Variants in PDE10A observed in about 807,000 individuals in gnomAD.
PDE10A encodes the protein cAMP and cAMP-inhibited cGMP 3',5'-cyclic phosphodiesterase 10A.
A neutral mutation model predicts 97.7 loss-of-function variants in PDE10A; 39 were observed. The observed-to-expected ratio is 0.40, with a 90% CI of 0.31 to 0.52. The LOEUF (loss-of-function observed/expected upper bound fraction) is 0.52, where lower values mean the gene tolerates loss of function less well. Among genes scored for constraint, PDE10A ranks in the 20% least tolerant of loss-of-function variants. The pLI is 0.56. For synonymous variants in PDE10A, 371 were observed against 376.8 expected, an observed-to-expected ratio of 0.98 and a Z score of 0.18; for missense variants, 731 against 1,047.8, an observed-to-expected ratio of 0.70 and a Z score of 4.17.
chr6:165,901,457 G>C (rs2128484283), intron 1 of PDE10A, among the ~76,000 whole-genome samples: 1 of 152,250 alleles, frequency 6.6e-6, no homozygotes, highest in East Asian at 1.9e-4. Flanking sequence ...GTCTCACGTG[G>C]GCTGCCTCCA....
chr6:165,701,175 A>T (rs1447243243), intron 1 of PDE10A, among the ~76,000 whole-genome samples: 1 of 152,256 alleles, frequency 6.6e-6, no homozygotes, highest in Non-Finnish European at 1.5e-5. Context: ...CAAGACTCTG[A>T]CTTCAGATGC....
intron 1 of PDE10A, among the ~76,000 whole-genome samples, chr6:165,810,468 C>T (rs1779250487): frequency 6.6e-6 from 1 of 152,198 alleles, no homozygotes. Flanking sequence ...ACTTCACCAT[C>T]ACATCCTCAG....
At chr6:165,642,424 T>C (rs1789180654) in intron 1 of PDE10A, among the ~76,000 whole-genome samples, 2 of 152,156 alleles carry the variant, frequency 1.3e-5, no homozygotes, top group South Asian at 2.1e-4. Flanking sequence ...CAGGCTGTAT[T>C]TAGGAGGGAC....
intron 1 of PDE10A, among the ~76,000 whole-genome samples, chr6:165,615,994 C>G (rs1229338259): frequency 6.6e-6 from 1 of 152,058 alleles, no homozygotes; most frequent in African/African-American, 2.4e-5. Context: ...GATTTTTTAC[C>G]CACAAATTTG....
chr6:165,930,292 A>C (rs776363377), intron 1 of PDE10A, among the ~76,000 whole-genome samples: 1 of 152,192 alleles, frequency 6.6e-6, no homozygotes, highest in South Asian at 2.1e-4. Context: ...TTTCACCTCC[A>C]TGGAGCTGCC....
chr6:165,487,380 T>G (rs1310012847), intron 2 of PDE10A, among the ~76,000 whole-genome samples: 2 of 152,194 alleles, frequency 1.3e-5, no homozygotes, highest in African/African-American at 4.8e-5. Flanking sequence ...ACTGTCTAGT[T>G]GCAGGGAAAA....
At chr6:165,735,451 T>C (rs1028597320) in intron 1 of PDE10A, among the ~76,000 whole-genome samples, 2 of 151,912 alleles carry the variant, frequency 1.3e-5, no homozygotes, top group East Asian at 1.9e-4. Context: ...TATAGGTAGG[T>C]AGATAGGTAG....
chr6:165,673,867 T>C (rs887158146), intron 1 of PDE10A, among the ~76,000 whole-genome samples: 2 of 152,232 alleles, frequency 1.3e-5, no homozygotes, highest in East Asian at 1.9e-4. Context: ...ACGGGTTATA[T>C]AGAAGCGTGT....
intron 1 of PDE10A, among the ~76,000 whole-genome samples, chr6:165,606,186 G>A (rs1197208582): frequency 6.7e-6 from 1 of 148,568 alleles, no homozygotes. Flanking sequence ...TAAAGCACCA[G>A]GCACACAGTC....
chr6:165,605,617 T>C (rs539846365), intron 1 of PDE10A, among the ~76,000 whole-genome samples: 2 of 152,210 alleles, frequency 1.3e-5, no homozygotes, highest in African/African-American at 4.8e-5. Flanking sequence ...GCTCCTTCCT[T>C]TGTGCTCTCG....
At chr6:165,438,036 C>T (rs1007233370) in intron 5 of PDE10A, among the ~76,000 whole-genome samples, 14 of 152,160 alleles carry the variant, frequency 9.2e-5, no homozygotes, top group Non-Finnish European at 1.9e-4. Context: ...TTTACACATA[C>T]TCAGCGCTAG....
chr6:165,894,416 G>T (rs1250469827), intron 1 of PDE10A: 1 of 456,056 alleles, frequency 2.2e-6, no homozygotes, highest in African/African-American at 2.0e-5. Context: ...ATTAAACAGA[G>T]ATATAAGTCA....
intron 2 of PDE10A, among the ~76,000 whole-genome samples, chr6:165,522,216 G>A (rs979930621): frequency 6.6e-6 from 1 of 152,068 alleles, no homozygotes; most frequent in African/African-American, 2.4e-5. Context: ...TCTAACAGAT[G>A]TACAAATAAG....
chr6:165,677,560 C>T (rs775861243), intron 1 of PDE10A, among the ~76,000 whole-genome samples: 3 of 152,136 alleles, frequency 2.0e-5, no homozygotes, highest in African/African-American at 4.8e-5. Context: ...ATTTACATAG[C>T]GTTTACATCG....
rs112666097 is a variant in PDE10A at position 165,719,722 on chromosome 6, C to T, written c.-614-176154G>A. On this transcript the variant is annotated intron_variant, in intron 1 of 19. Coordinates refer to the PDE10A transcript ENST00000366882. ...CATGCTTTAAAACATGTTTGGAATA[C>T]GGTTGGAAACTCTACTGTCAGTTCT... Among the ~76,000 whole-genome samples, 1,086 of 152,232 alleles carry T rather than the reference C, an allele frequency of 7.1e-3. 11 individuals carry two copies. The highest frequency in any genetic ancestry group is 0.024 in the African/African-American group (1,013 of 41,530).
intron 1 of PDE10A, among the ~76,000 whole-genome samples, chr6:165,751,699 A>C (rs571659845): frequency 6.6e-6 from 1 of 152,326 alleles, no homozygotes; most frequent in African/African-American, 2.4e-5. Context: ...CTGATTGCTC[A>C]TCAGCATAAG....
intron 1 of PDE10A, among the ~76,000 whole-genome samples, chr6:165,563,647 T>C (rs1784633049): frequency 6.6e-6 from 1 of 152,148 alleles, no homozygotes; most frequent in Non-Finnish European, 1.5e-5. Context: ...CCCAGCACCT[T>C]GGGAGGCTGA....
intron 1 of PDE10A, among the ~76,000 whole-genome samples, chr6:165,550,246 A>G (rs1783945532): frequency 6.6e-6 from 1 of 152,202 alleles, no homozygotes; most frequent in Non-Finnish European, 1.5e-5. Flanking sequence ...ATTATCTCAC[A>G]GTAACTAAAC....
At chr6:165,689,875 C>T (rs986487887) in intron 1 of PDE10A, among the ~76,000 whole-genome samples, 1 of 152,122 alleles carries the variant, frequency 6.6e-6, no homozygotes, top group African/African-American at 2.4e-5. Context: ...ATGTTCATAC[C>T]CTGATGCAAT....
Sources: gnomAD v4.1 joint callset for allele counts (sites outside exome capture counted in the v4.1 genomes callset) on GRCh38, gnomAD v4.1.1 for gene constraint, MANE v1.5 for transcripts, NCBI Gene and HGNC (gene_info 2026-07-23, HGNC 2026-07-21) for gene names.